CRISPLD2: variants seen among roughly 807,000 people sequenced by gnomAD.
The protein encoded by CRISPLD2 is cysteine rich secretory protein LCCL domain containing 2.
A neutral mutation model predicts 71.1 loss-of-function variants in CRISPLD2; 47 were observed. The observed-to-expected ratio is 0.66, with a 90% CI of 0.52 to 0.84. The LOEUF (loss-of-function observed/expected upper bound fraction) is 0.84. Among genes scored for constraint, CRISPLD2 ranks in the 40% least tolerant of loss-of-function variants. The pLI is 0.00. For missense variants in CRISPLD2, 830 were observed against 651.1 expected, an observed-to-expected ratio of 1.27 and a Z score of -2.99; for synonymous variants, 317 against 250.1, an observed-to-expected ratio of 1.27 and a Z score of -2.52.
chr16:84,882,369 A>AAAAAAAAAAC (rs2071576156), intron 13 of CRISPLD2, among the ~76,000 whole-genome samples: 1 of 140,452 alleles, frequency 7.1e-6, no homozygotes, highest in African/African-American at 2.7e-5. Context: ...AAAAAAAAAA[A>AAAAAAAAAAC]AAGCAAGAAC....
At chr16:84,861,745 G>C (rs1164894588) in intron 6 of CRISPLD2, among the ~76,000 whole-genome samples, 1 of 152,150 alleles carries the variant, frequency 6.6e-6, no homozygotes, top group East Asian at 1.9e-4. Context: ...ACAACATAGC[G>C]AGAACCCATC....
intron 2 of CRISPLD2, chr16:84,842,006 G>C (rs893215894): frequency 6.5e-6 from 1 of 152,922 alleles, no homozygotes; most frequent in African/African-American, 2.4e-5. Context: ...ATTTGGGCGG[G>C]AGGCGGGGAG....
At chr16:84,904,017 A>C (rs567531027) in intron 14 of CRISPLD2, among the ~76,000 whole-genome samples, 29 of 152,342 alleles carry the variant, frequency 1.9e-4, no homozygotes, top group African/African-American at 6.3e-4. Context: ...TGTCAGGAAC[A>C]GTATCAAACC....
At position 84,872,573 on chromosome 16, in the gene CRISPLD2, G is replaced by A. The variant is rs368398329; in HGVS notation, c.981+65G>A. On this transcript the variant is annotated intron_variant, in intron 9 of 14. Coordinates refer to ENST00000262424, the MANE Select transcript of CRISPLD2 (RefSeq NM_031476.4). ...ATCCTGTTGCATATGTTTAAAGCAG[G>A]TGGTTGGCTTTAGTAGGAAAAGATT... 1.1e-5 allele frequency: 15 copies of A among 1,388,670 alleles called. No homozygotes were observed. The African/African-American group carries it at 2.2e-4, about 20-fold the overall frequency. 86.0% of individuals were successfully genotyped at this position (1,388,670 alleles called of 1,614,324 possible).
intron 12 of CRISPLD2, among the ~76,000 whole-genome samples, chr16:84,879,579 C>G (rs2071550416): frequency 6.6e-6 from 1 of 152,098 alleles, no homozygotes; most frequent in African/African-American, 2.4e-5. Context: ...CCAGGCTGGT[C>G]TCGAACTCCC....
chr16:84,847,842 T>C (rs1916958248), intron 3 of CRISPLD2, among the ~76,000 whole-genome samples: 1 of 152,188 alleles, frequency 6.6e-6, no homozygotes, highest in African/African-American at 2.4e-5. Flanking sequence ...CTTTTTCCTT[T>C]TCATACAATA....
rs745980462 is a variant in CRISPLD2 at position 84,838,962 on chromosome 16, C to T, written c.240+227C>T. The T allele has an allele frequency of 4.3e-6, 3 of 692,220 alleles. No individual in the cohort carries two copies. The South Asian group carries it at 4.5e-5, about 10-fold the overall frequency. 42.9% of individuals were successfully genotyped at this position (692,220 alleles called of 1,614,324 possible). On this transcript the variant is annotated intron_variant, in intron 2 of 14. Transcript: ENST00000262424. ...GGAGTGCAATGGCACAATCGTCATG[C>T]CCTGAAACCTTAGACTCCCGGGGTT...
intron 13 of CRISPLD2, among the ~76,000 whole-genome samples, chr16:84,882,431 C>G (rs1484539047): frequency 6.9e-6 from 1 of 145,820 alleles, no homozygotes; most frequent in East Asian, 2.0e-4. Flanking sequence ...TTTTTTGAGA[C>G]AAGAGTTTCA....
chr16:84,849,357 G>A, intron 3 of CRISPLD2, 28 bp from the exon 4 acceptor site: 1 of 1,603,042 alleles, frequency 6.2e-7, no homozygotes, highest in Non-Finnish European at 8.5e-7. Context: ...GAGGGGCTGG[G>A]ACTGAGTGAG....
chr16:84,881,460 A>C (rs1196811253), intron 13 of CRISPLD2, among the ~76,000 whole-genome samples: 1 of 152,132 alleles, frequency 6.6e-6, no homozygotes, highest in Non-Finnish European at 1.5e-5. Flanking sequence ...GTTTGGGGAC[A>C]TGGTGACCCA....
chr16:84,833,534 G>A (rs112047304), intron 1 of CRISPLD2, among the ~76,000 whole-genome samples: 2 of 152,200 alleles, frequency 1.3e-5, no homozygotes, highest in Non-Finnish European at 2.9e-5. Flanking sequence ...ATCAGGGGTA[G>A]AAGAGCAGAG....
At chr16:84,830,779 C>T (rs560356024) in intron 1 of CRISPLD2, among the ~76,000 whole-genome samples, 48 of 151,692 alleles carry the variant, frequency 3.2e-4, no homozygotes, top group Non-Finnish European at 5.0e-4. Context: ...TGACTTTTTT[C>T]CTGCATTTTA....
intron 2 of CRISPLD2, 69 bp from the exon 3 acceptor site, chr16:84,845,717 C>T: frequency 9.8e-7 from 1 of 1,022,384 alleles, no homozygotes. Flanking sequence ...TGGGGCGTTG[C>T]TGTATTTATG....
rs143712864 is a variant in CRISPLD2, at chr16:84,892,035, C to A, written c.1439+2672C>A. On this transcript the variant is annotated intron_variant, in intron 14 of 14. Transcript: ENST00000262424. ...CTTGCTCCTCAGACTCTCTGCTCCTCCGTCCTGTGGACTGGCATCTGTGAT... is the reference window on the plus strand; with the variant it reads ...CTTGCTCCTCAGACTCTCTGCTCCTACGTCCTGTGGACTGGCATCTGTGAT... Among the ~76,000 whole-genome samples the A allele has an allele frequency of 5.6e-4, 86 of 152,334 alleles. 3 individuals are homozygous for A. The East Asian group carries it at 0.017, about 29-fold the overall frequency.
chr16:84,863,647 T>C (rs903190), intron 6 of CRISPLD2, among the ~76,000 whole-genome samples: 58,243 of 152,000 alleles, frequency 0.38, 11,692 homozygotes, highest in East Asian at 0.57. Context: ...ATCATGCCTC[T>C]GAAGGCAAAT....
intron 14 of CRISPLD2, among the ~76,000 whole-genome samples, chr16:84,903,461 G>A (rs148490428): frequency 1.4e-3 from 211 of 152,176 alleles, no homozygotes; most frequent in African/African-American, 4.8e-3. Context: ...GTGTGGTGGC[G>A]CATGCCTGTA....
In CRISPLD2 at chr16:84,906,842, G is replaced by T; in HGVS notation, c.*200G>T. On this transcript the variant is annotated 3_prime_UTR_variant, in exon 15 of 15. Transcript: ENST00000262424. ...CAACAGCATCCCAAGGTGCTCAGCC[G>T]GACTCCCTGGTGCCTGATCCTGCTG... 1 of 677,438 alleles carries T rather than the reference G, an allele frequency of 1.5e-6. No individual in the cohort carries two copies. 42.0% of individuals were successfully genotyped at this position (677,438 alleles called of 1,614,324 possible).
chr16:84,827,954 C>A (rs1214540860), intron 1 of CRISPLD2, among the ~76,000 whole-genome samples: 1 of 152,192 alleles, frequency 6.6e-6, no homozygotes, highest in African/African-American at 2.4e-5. Context: ...TTCATCTTCG[C>A]CATCCGTGTG....
chr16:84,893,185 T>C (rs1597483619), intron 14 of CRISPLD2, among the ~76,000 whole-genome samples: 1 of 151,978 alleles, frequency 6.6e-6, no homozygotes, highest in South Asian at 2.1e-4. Flanking sequence ...CAGGGTCACC[T>C]TGGGCAGTCT....
Sources: gnomAD v4.1 joint callset for allele counts (sites outside exome capture counted in the v4.1 genomes callset) on GRCh38, gnomAD v4.1.1 for gene constraint, MANE v1.5 for transcripts, NCBI Gene and HGNC (gene_info 2026-07-23, HGNC 2026-07-21) for gene names.